The following FRMD3 variants were observed in gnomAD, a reference collection of about 807,000 sequenced individuals.
The protein encoded by FRMD3 is FERM domain-containing protein 3.
FRMD3 carries 33 observed loss-of-function variants against 70.2 expected under a neutral mutation model. The observed-to-expected ratio is 0.47, with a 90% CI of 0.36 to 0.63. The LOEUF is 0.63. FRMD3 is among the 20% of genes least tolerant of loss of function. FRMD3 has a pLI of 0.00. For synonymous variants in FRMD3, 279 were observed against 255.9 expected, an observed-to-expected ratio of 1.09 and a Z score of -0.86; for missense variants, 632 against 711.4, an observed-to-expected ratio of 0.89 and a Z score of 1.27.
intron 13 of FRMD3, among the ~76,000 whole-genome samples, chr9:83,266,250 C>T (rs1833251342): frequency 6.6e-6 from 1 of 152,106 alleles, no homozygotes; most frequent in Admixed American, 6.5e-5. Flanking sequence ...TACAAGAACA[C>T]ATCATGTATT....
chr9:83,254,688 G>C (rs1832610821), intron 13 of FRMD3, among the ~76,000 whole-genome samples: 1 of 151,996 alleles, frequency 6.6e-6, no homozygotes, highest in African/African-American at 2.4e-5. Flanking sequence ...GAAATGGTAA[G>C]GGGGATATCA....
intron 1 of FRMD3, among the ~76,000 whole-genome samples, chr9:83,419,449 AGTGTGT>A (rs60945722): frequency 2.7e-5 from 4 of 148,416 alleles, no homozygotes; most frequent in South Asian, 2.1e-4. Flanking sequence ...GCTGTGAGAG[AGTGTGT>A]GTGTGTGTGT....
intron 1 of FRMD3, among the ~76,000 whole-genome samples, chr9:83,479,772 AGG>A (rs1828518954): frequency 4.2e-5 from 2 of 47,948 alleles, no homozygotes; most frequent in African/African-American, 2.5e-4. Context: ...GGAGGGAGGG[AGG>A]GAGGGAGGGA....
intron 3 of FRMD3, among the ~76,000 whole-genome samples, chr9:83,360,922 T>C (rs190789549): frequency 6.6e-6 from 1 of 152,348 alleles, no homozygotes; most frequent in African/African-American, 2.4e-5. Context: ...ATTTATAGGC[T>C]CAAATTGCAT....
intron 4 of FRMD3, among the ~76,000 whole-genome samples, chr9:83,346,239 G>C (rs1244500882): frequency 8.7e-6 from 1 of 114,598 alleles, no homozygotes; most frequent in Non-Finnish European, 1.6e-5. Flanking sequence ...CTGAGCGACA[G>C]AGCAAGACGC....
At chr9:83,447,919 T>G (rs1827530082) in intron 1 of FRMD3, among the ~76,000 whole-genome samples, 1 of 152,218 alleles carries the variant, frequency 6.6e-6, no homozygotes. Flanking sequence ...GAGAATTAAA[T>G]GAGATATTAT....
At chr9:83,422,222 C>CA (rs1465749416) in intron 1 of FRMD3, among the ~76,000 whole-genome samples, 1 of 151,886 alleles carries the variant, frequency 6.6e-6, no homozygotes, top group Non-Finnish European at 1.5e-5. Context: ...GAGACTGTCT[C>CA]AAAAAAACAA....
chr9:83,444,817 C>T (rs11140092), intron 1 of FRMD3, among the ~76,000 whole-genome samples: 12,690 of 152,172 alleles, frequency 0.083, 610 homozygotes, highest in South Asian at 0.2. Context: ...TCCTTGTCTT[C>T]CACGGGAACT....
At chr9:83,498,012 G>C (rs969995359) in intron 1 of FRMD3, among the ~76,000 whole-genome samples, 1 of 152,122 alleles carries the variant, frequency 6.6e-6, no homozygotes, top group Non-Finnish European at 1.5e-5. Context: ...GCCAGGCATG[G>C]TGGTGGGCAC....
At chr9:83,331,796 A>G in intron 6 of FRMD3, 1 of 711,312 alleles carries the variant, frequency 1.4e-6, no homozygotes, top group Non-Finnish European at 2.6e-6. Context: ...TCTATTAGTC[A>G]ATGAGTTGTG....
At chr9:83,312,364 A>T (rs1028151191) in intron 7 of FRMD3, among the ~76,000 whole-genome samples, 1 of 152,218 alleles carries the variant, frequency 6.6e-6, no homozygotes, top group Non-Finnish European at 1.5e-5. Context: ...CAAAGCCCTG[A>T]GCATCTAATT....
chr9:83,446,588 A>T (rs931638434), intron 1 of FRMD3, among the ~76,000 whole-genome samples: 26 of 144,576 alleles, frequency 1.8e-4, no homozygotes, highest in Non-Finnish European at 3.7e-4. Flanking sequence ...CAGAGCTTGC[A>T]GTGAGCCGAG....
At chr9:83,302,431 C>T (rs931141721) in intron 10 of FRMD3, among the ~76,000 whole-genome samples, 1 of 152,168 alleles carries the variant, frequency 6.6e-6, no homozygotes, top group Non-Finnish European at 1.5e-5. Flanking sequence ...GGTTCTGTGA[C>T]CTTGGTCATG....
chr9:83,467,604 T>A (rs1828163482), intron 1 of FRMD3: 1 of 1,475,768 alleles, frequency 6.8e-7, no homozygotes, highest in African/African-American at 1.4e-5. Context: ...ACATTTTAGC[T>A]GACTGACACA....
intron 3 of FRMD3, among the ~76,000 whole-genome samples, chr9:83,362,375 C>G (rs988685337): frequency 1.3e-5 from 2 of 152,202 alleles, no homozygotes; most frequent in African/African-American, 4.8e-5. Flanking sequence ...TCCCAGGTTT[C>G]CAGGGAGTGC....
chr9:83,256,751 A>G (rs945690108), intron 13 of FRMD3, among the ~76,000 whole-genome samples: 5 of 151,358 alleles, frequency 3.3e-5, no homozygotes, highest in African/African-American at 7.4e-5. Context: ...GCCAACAAAC[A>G]TATGAAAAAA....
chr9:83,459,962 G>A (rs1827924623), intron 1 of FRMD3, among the ~76,000 whole-genome samples: 1 of 152,242 alleles, frequency 6.6e-6, no homozygotes, highest in African/African-American at 2.4e-5. Flanking sequence ...AGAGAAAGAG[G>A]ACAAGCTCTC....
chr9:83,299,308 C>T (rs897900141), intron 10 of FRMD3, 122 bp from the exon 11 acceptor site: 3 of 629,934 alleles, frequency 4.8e-6, no homozygotes, highest in Non-Finnish European at 8.4e-6. Context: ...CCTTGTGACT[C>T]AGCCTGCATT....
intron 1 of FRMD3, among the ~76,000 whole-genome samples, chr9:83,439,780 A>T (rs1249658562): frequency 6.6e-6 from 1 of 152,244 alleles, no homozygotes; most frequent in Admixed American, 6.5e-5. Context: ...CCCTGTGGGC[A>T]ATGACAAGCC....
Sources: allele counts gnomAD v4.1 joint callset (sites outside exome capture counted in the v4.1 genomes callset), GRCh38; gene constraint gnomAD v4.1.1; transcripts MANE v1.5; gene names NCBI Gene and HGNC (gene_info 2026-07-23, HGNC 2026-07-21).